ATP11B: variants seen among roughly 807,000 people sequenced by gnomAD.
The protein encoded by ATP11B is phospholipid-transporting ATPase IF.
In ATP11B, 81 loss-of-function variants were observed where a neutral mutation model predicts 157.8. The observed-to-expected ratio is 0.51, with a 90% CI of 0.43 to 0.62. The LOEUF is 0.62. Among genes scored for constraint, ATP11B ranks in the 20% least tolerant of loss-of-function variants. The pLI, the probability that ATP11B is intolerant of heterozygous loss-of-function variation, is 0.00. For synonymous variants in ATP11B, 451 were observed against 469.4 expected, an observed-to-expected ratio of 0.96 and a Z score of 0.51; for missense variants, 1,165 against 1,402.2, an observed-to-expected ratio of 0.83 and a Z score of 2.70.
chr3:182,828,249 T>C, intron 3 of ATP11B, 40 bp downstream of exon 3: 1 of 988,352 alleles, frequency 1.0e-6, no homozygotes, highest in South Asian at 1.8e-5. Context: ...TAAACATAGT[T>C]TCTAAAAATA....
In ATP11B at chr3:182,892,574, C is replaced by CT. The variant is rs529868305; in HGVS notation, c.2982+3035dup. Among the ~76,000 whole-genome samples the CT allele has an allele frequency of 2.8e-3, 416 of 151,022 alleles. 2 individuals carry two copies. Among genetic ancestry groups the CT allele is most frequent in the African/African-American group, 4.1e-3 (167 of 41,198 alleles). ...TTCAGGGAAAGTTAAGACTTTATCC[C>CT]TTTTTTTTTGTATTAGGGTCTAGCA... On this transcript the variant is annotated intron_variant, in intron 25 of 29. Transcript: ENST00000323116.
chr3:182,829,903 G>A, intron 4 of ATP11B, 151 bp downstream of exon 4: 4 of 1,431,312 alleles, frequency 2.8e-6, no homozygotes, highest in South Asian at 3.2e-5. Flanking sequence ...AACTGAATTA[G>A]CCACTCTGTT....
intron 1 of ATP11B, among the ~76,000 whole-genome samples, chr3:182,799,044 G>T (rs956337448): frequency 2.0e-5 from 3 of 152,194 alleles, no homozygotes; most frequent in Non-Finnish European, 2.9e-5. Flanking sequence ...GAAAGTTTTT[G>T]ATTCTAAGGA....
chr3:182,799,697 T>TA (rs894086780), intron 1 of ATP11B, among the ~76,000 whole-genome samples: 1 of 152,206 alleles, frequency 6.6e-6, no homozygotes, highest in African/African-American at 2.4e-5. Flanking sequence ...GTGTATTTTT[T>TA]AAAAAATATC....
intron 4 of ATP11B, chr3:182,829,988 AG>A (rs1442059899): frequency 1.0e-6 from 1 of 978,190 alleles, no homozygotes; most frequent in East Asian, 1.1e-4. Context: ...AGAGCTAGAA[AG>A]CATCCAAAAA....
chr3:182,869,335 A>G lies in ATP11B; in HGVS notation c.1866+4A>G. Reference sequence around the variant, plus strand: ...TCATGTAGATGAATTTGCTTTGGTGAGTGCAAATTTCTATGATTTAAAAAA... The same window carrying G: ...TCATGTAGATGAATTTGCTTTGGTGGGTGCAAATTTCTATGATTTAAAAAA... On this transcript the variant is annotated splice_donor_region_variant and intron_variant, in intron 17 of 29. Coordinates refer to ENST00000323116, the MANE Select transcript of ATP11B (RefSeq NM_014616.3). The G allele has an allele frequency of 6.5e-7, 1 of 1,537,702 alleles. No individual in the cohort carries two copies. The highest frequency in any genetic ancestry group is 8.9e-7 in the Non-Finnish European group (1 of 1,128,890).
chr3:182,823,823 C>G (rs1006013804), intron 2 of ATP11B, among the ~76,000 whole-genome samples: 1 of 151,800 alleles, frequency 6.6e-6, no homozygotes, highest in East Asian at 1.9e-4. Flanking sequence ...CTCTTGAAAA[C>G]TTTAGGTTTT....
At chr3:182,870,620 AAAG>A (rs1378798350) in intron 17 of ATP11B, among the ~76,000 whole-genome samples, 4 of 152,242 alleles carry the variant, frequency 2.6e-5, no homozygotes, top group East Asian at 1.9e-4. Flanking sequence ...CTATTAATTA[AAAG>A]AAGCACATTT....
In ATP11B at chr3:182,793,560, C is replaced by T. The variant is rs1003786050; in HGVS notation, c.-200C>T. 9 of 363,066 alleles carry T rather than the reference C, an allele frequency of 2.5e-5. No homozygotes were observed. The highest frequency in any genetic ancestry group is 8.6e-5 in the African/African-American group (4 of 46,616). 22.5% of individuals were successfully genotyped at this position (363,066 alleles called of 1,614,324 possible). The stretch of plus-strand genomic sequence containing the variant: ...GCTCAGCTGCGCCGGGCGGGGGCGG[C>T]GCCGGGGCCGCGCCTGTAGGACTCG... On this transcript the variant is annotated 5_prime_UTR_variant, in exon 1 of 30. Coordinates refer to ENST00000323116, the MANE Select transcript of ATP11B (RefSeq NM_014616.3).
intron 2 of ATP11B, among the ~76,000 whole-genome samples, chr3:182,826,895 A>G (rs951000292): frequency 1.3e-5 from 2 of 152,214 alleles, no homozygotes; most frequent in African/African-American, 4.8e-5. Context: ...GCCATCTGAC[A>G]TGACACTAGG....
At chr3:182,816,606 A>G (rs1428310093) in intron 1 of ATP11B, among the ~76,000 whole-genome samples, 1 of 152,214 alleles carries the variant, frequency 6.6e-6, no homozygotes, top group African/African-American at 2.4e-5. Context: ...TAAAGAAGAT[A>G]AAGGTGTTAC....
intron 4 of ATP11B, among the ~76,000 whole-genome samples, chr3:182,835,732 TAGTG>T (rs986244967): frequency 2.0e-5 from 3 of 152,092 alleles, no homozygotes; most frequent in Non-Finnish European, 2.9e-5. Flanking sequence ...AGAAATCTCT[TAGTG>T]AGAAAGAGGA....
chr3:182,795,952 G>GTTT (rs1715571432), intron 1 of ATP11B, among the ~76,000 whole-genome samples: 1 of 152,148 alleles, frequency 6.6e-6, no homozygotes, highest in Non-Finnish European at 1.5e-5. Context: ...CAAATCCTAA[G>GTTT]GACAGGTTGG....
chr3:182,810,880 TC>T (rs34996770), intron 1 of ATP11B, among the ~76,000 whole-genome samples: 1 of 152,198 alleles, frequency 6.6e-6, no homozygotes, highest in Non-Finnish European at 1.5e-5. Flanking sequence ...CAGACATATT[TC>T]CCCTGTTCGT....
At chr3:182,876,275 G>GA (rs1315003092) in intron 19 of ATP11B, among the ~76,000 whole-genome samples, 1 of 152,066 alleles carries the variant, frequency 6.6e-6, no homozygotes, top group African/African-American at 2.4e-5. Flanking sequence ...GAAAAATACT[G>GA]AAAATTGTAA....
chr3:182,802,764 T>C (rs769999832), intron 1 of ATP11B, among the ~76,000 whole-genome samples: 1 of 152,166 alleles, frequency 6.6e-6, no homozygotes, highest in Non-Finnish European at 1.5e-5. Context: ...CAAAACTTGC[T>C]AGTCTCATTT....
chr3:182,859,073 G>A lies in ATP11B; in HGVS notation c.1003-89G>A, dbSNP rs1577033849. 32 of 829,886 alleles carry A rather than the reference G, an allele frequency of 3.9e-5. No individual in the cohort carries two copies. In the South Asian group the frequency reaches 4.9e-4, roughly 13 times the overall value. 51.4% of individuals were successfully genotyped at this position (829,886 alleles called of 1,614,324 possible). On this transcript the variant is annotated intron_variant, in intron 11 of 29. Coordinates refer to ENST00000323116, the MANE Select transcript of ATP11B (RefSeq NM_014616.3). The stretch of plus-strand genomic sequence containing the variant: ...AGAATATAGTTGATGGTCTATGTAG[G>A]CATGAAACTTTCTGGTAATTTTCAT...
Position 182,869,108 on chromosome 3 carries a change from T to C in ATP11B, c.1719T>C (p.Asp573=), listed in dbSNP as rs1287888803. The C allele has an allele frequency of 6.2e-6, 10 of 1,610,832 alleles. No homozygotes were observed. Among genetic ancestry groups the C allele is most frequent in the Non-Finnish European group, 7.6e-6 (9 of 1,178,604 alleles). ...RYKLLHILEF[D]SDRRRMSVIV... The stretch of plus-strand genomic sequence containing the variant: ...AACTGCTTCATATTCTGGAATTTGA[T>C]TCAGATCGTAGGAGAATGAGTGTAA... The change falls in exon 16 of 30, where the codon GAT becomes GAC. Residue 573 remains aspartate, a synonymous_variant. Transcript: ENST00000323116.
At chr3:182,829,629 A>G in intron 3 of ATP11B, 43 bp from the exon 4 acceptor site, 1 of 1,308,970 alleles carries the variant, frequency 7.6e-7, no homozygotes, top group Non-Finnish European at 1.1e-6. Context: ...TGATGTGCAC[A>G]ATATAAAAAT....
Sources: gnomAD v4.1 joint callset for allele counts (sites outside exome capture counted in the v4.1 genomes callset) on GRCh38, gnomAD v4.1.1 for gene constraint, MANE v1.5 for transcripts, NCBI Gene and HGNC (gene_info 2026-07-23, HGNC 2026-07-21) for gene names.